The following TRIM33 variants were observed in gnomAD, a reference collection of about 807,000 sequenced individuals.
TRIM33 encodes E3 ubiquitin-protein ligase TRIM33.
Under a neutral mutation model 125.4 loss-of-function variants are expected in TRIM33, and 20 were observed. The ratio of observed to expected loss-of-function variants is 0.16; its 90% CI spans 0.11 to 0.23. The LOEUF is 0.23. Among genes scored for constraint, TRIM33 ranks in the 10% least tolerant of loss-of-function variants. The probability of loss-of-function intolerance (pLI) is 1.00; values close to 1 mark genes in which losing one functional copy is unlikely to be tolerated. For missense variants in TRIM33, 920 were observed against 1,411.4 expected, an observed-to-expected ratio of 0.65 and a Z score of 5.58; for synonymous variants, 564 against 513.9, an observed-to-expected ratio of 1.10 and a Z score of -1.32.
chr1:114,455,190 A>G (rs919603996), intron 4 of TRIM33, among the ~76,000 whole-genome samples: 9 of 152,170 alleles, frequency 5.9e-5, no homozygotes, highest in Admixed American at 5.2e-4. Context: ...AGCCCAGTGG[A>G]CTAGATATAA....
intron 1 of TRIM33, among the ~76,000 whole-genome samples, chr1:114,472,341 C>A (rs1650700177): frequency 6.6e-6 from 1 of 152,126 alleles, no homozygotes; most frequent in Non-Finnish European, 1.5e-5. Context: ...TACTGTGATT[C>A]AAGCAGAAAA....
intron 18 of TRIM33, among the ~76,000 whole-genome samples, chr1:114,398,508 C>A (rs1651675669): frequency 6.6e-6 from 1 of 152,122 alleles, no homozygotes; most frequent in African/African-American, 2.4e-5. Flanking sequence ...AATATAACTT[C>A]AAACTAGTGA....
chr1:114,444,264 G>A (rs2101261558), intron 4 of TRIM33, among the ~76,000 whole-genome samples: 1 of 152,270 alleles, frequency 6.6e-6, no homozygotes, highest in South Asian at 2.1e-4. Flanking sequence ...TTGAATATGT[G>A]TGAATTCCTC....
At chr1:114,492,104 T>G (rs1239770509) in intron 1 of TRIM33, among the ~76,000 whole-genome samples, 2 of 152,282 alleles carry the variant, frequency 1.3e-5, no homozygotes, top group Middle Eastern at 6.8e-3. Flanking sequence ...GCTGGGAATA[T>G]GTGAATTGGG....
At chr1:114,494,741 C>T (rs1465019099) in intron 1 of TRIM33, among the ~76,000 whole-genome samples, 2 of 152,198 alleles carry the variant, frequency 1.3e-5, no homozygotes, top group Non-Finnish European at 2.9e-5. Flanking sequence ...GCAAATTAAA[C>T]TATAATGCTA....
intron 1 of TRIM33, among the ~76,000 whole-genome samples, chr1:114,496,231 T>A (rs995345425): frequency 1.3e-5 from 2 of 152,244 alleles, no homozygotes; most frequent in Non-Finnish European, 2.9e-5. Context: ...TGAGGGATAG[T>A]ATTTAAGCCA....
At chr1:114,436,283 T>C (rs921616107) in intron 4 of TRIM33, among the ~76,000 whole-genome samples, 7 of 150,006 alleles carry the variant, frequency 4.7e-5, no homozygotes, top group Admixed American at 1.3e-4. Flanking sequence ...GCACCTGTAG[T>C]CCCAGCTAGT....
intron 1 of TRIM33, among the ~76,000 whole-genome samples, chr1:114,471,555 T>C (rs1650653013): frequency 6.6e-6 from 1 of 151,852 alleles, no homozygotes; most frequent in East Asian, 1.9e-4. Flanking sequence ...AGTAGTCTGC[T>C]ACTAATGAAA....
In TRIM33 at chr1:114,510,850, T is replaced by C. The variant is rs374161587; in HGVS notation, c.227A>G (p.Gln76Arg). The C allele has an allele frequency of 2.1e-5, 31 of 1,490,420 alleles. No homozygotes were observed. Among genetic ancestry groups the C allele is most frequent in the Non-Finnish European group, 2.6e-5 (29 of 1,127,524 alleles). 92.3% of individuals were successfully genotyped at this position (1,490,420 alleles called of 1,614,324 possible). ...GVAAASSGSA[Q>R]AASSPAASVG... ...TGAGGCCGCAGGAGATGAAGCAGCC[T>C]GGGCCGAGCCCGAGGAGGCCGCGGC... Residue 76 changes from glutamine to arginine, a missense_variant, in exon 1 of 20, where the codon CAG becomes CGG. By Grantham distance (43) the Gln-to-Arg change is conservative. Coordinates refer to ENST00000358465, the MANE Select transcript of TRIM33 (RefSeq NM_015906.4).
intron 4 of TRIM33, among the ~76,000 whole-genome samples, chr1:114,457,257 G>A (rs1003851826): frequency 6.6e-5 from 10 of 152,034 alleles, no homozygotes; most frequent in Non-Finnish European, 1.3e-4. Context: ...TGGACATTCC[G>A]CCATGATTTT....
intron 4 of TRIM33, among the ~76,000 whole-genome samples, chr1:114,434,833 A>C (rs949491560): frequency 6.6e-6 from 1 of 152,336 alleles, no homozygotes; most frequent in East Asian, 1.9e-4. Context: ...AATACCAAGA[A>C]AAGCACAGCA....
intron 1 of TRIM33, among the ~76,000 whole-genome samples, chr1:114,466,048 A>AAAT (rs1650281188): frequency 6.6e-6 from 1 of 152,040 alleles, no homozygotes; most frequent in Non-Finnish European, 1.5e-5. Context: ...CTCAAAAAAA[A>AAAT]AAATAAATAA....
At chr1:114,487,822 G>A (rs904471427) in intron 1 of TRIM33, among the ~76,000 whole-genome samples, 7 of 148,952 alleles carry the variant, frequency 4.7e-5, no homozygotes, top group Admixed American at 3.3e-4. Context: ...GCGTGAACCC[G>A]GGAAGCGGAG....
At chr1:114,422,484 C>T (rs957461127) in intron 10 of TRIM33, among the ~76,000 whole-genome samples, 6 of 140,626 alleles carry the variant, frequency 4.3e-5, no homozygotes, top group African/African-American at 1.4e-4. Context: ...TTTGTATGTG[C>T]TCTTTAAAAA....
chr1:114,503,574 A>T (rs1194850339), intron 1 of TRIM33, among the ~76,000 whole-genome samples: 1 of 152,232 alleles, frequency 6.6e-6, no homozygotes, highest in Non-Finnish European at 1.5e-5. Flanking sequence ...TATTGCAATA[A>T]GCTACGCAGA....
intron 1 of TRIM33, among the ~76,000 whole-genome samples, chr1:114,469,688 G>T (rs1650520532): frequency 6.6e-6 from 1 of 152,242 alleles, no homozygotes. Flanking sequence ...CTTTACTAAA[G>T]AAATTTTATA....
Position 114,430,882 on chromosome 1 carries a change from T to A in TRIM33, c.1071A>T (p.Arg357=). 1.2e-6 allele frequency: 2 copies of A among 1,608,140 alleles called. No homozygotes were observed. The highest frequency in any genetic ancestry group is 1.7e-6 in the Non-Finnish European group (2 of 1,174,754). ...TGGCCACTTTAATTTCCTGTTCTAC[T>A]CGTTTGTTAGTCTCATTTACTTCTT... ...RIKEVNETNK[R]VEQEIKVAIF... The change falls in exon 6 of 20, where the codon CGA becomes CGT. Residue 357 remains arginine, a synonymous_variant. Coordinates refer to ENST00000358465, the MANE Select transcript of TRIM33 (RefSeq NM_015906.4).
chr1:114,427,608 T>G lies in TRIM33; in HGVS notation c.1302+140A>C, dbSNP rs951643707. 103 of 768,506 alleles carry G rather than the reference T, an allele frequency of 1.3e-4. No individual in the cohort carries two copies. The East Asian group carries it at 2.8e-3, about 21-fold the overall frequency. The allele number at this position is 768,506 out of a possible 1,614,324, so 47.6% of individuals were successfully genotyped here. On this transcript the variant is annotated intron_variant, in intron 7 of 19. Coordinates refer to ENST00000358465, the MANE Select transcript of TRIM33 (RefSeq NM_015906.4). ...AGTGGAATGAGGAAACTTTGGGGGG[T>G]GGTGGAAGTTTTCTGTATCTTGATG... is the stretch of plus-strand genomic sequence containing the variant.
intron 10 of TRIM33, among the ~76,000 whole-genome samples, chr1:114,423,472 A>G (rs574521388): frequency 1.3e-5 from 2 of 152,286 alleles, no homozygotes; most frequent in African/African-American, 2.4e-5. Flanking sequence ...AATATGCTAT[A>G]AAGTACAGCT....
Sources: allele counts gnomAD v4.1 joint callset (sites outside exome capture counted in the v4.1 genomes callset), GRCh38; gene constraint gnomAD v4.1.1; transcripts MANE v1.5; gene names NCBI Gene and HGNC (gene_info 2026-07-23, HGNC 2026-07-21).